The following PHACTR3 variants were observed in gnomAD, a reference collection of about 807,000 sequenced individuals.
The protein encoded by PHACTR3 is protein phosphatase 1, regulatory subunit 123.
PHACTR3 carries 16 observed loss-of-function variants against 66.8 expected under a neutral mutation model. The ratio of observed to expected loss-of-function variants is 0.24; its 90% CI spans 0.16 to 0.36. The LOEUF (loss-of-function observed/expected upper bound fraction) is 0.36, where lower values mean the gene tolerates loss of function less well. PHACTR3 is among the 10% of genes least tolerant of loss of function. PHACTR3 has a pLI of 1.00. For missense variants in PHACTR3, 647 were observed against 719.9 expected (o/e 0.90, Z 1.16); for synonymous variants, 323 against 292.1 (o/e 1.11, Z -1.08).
chr20:59,766,083 G>A (rs2040170492), intron 4 of PHACTR3, among the ~76,000 whole-genome samples: 1 of 152,232 alleles, frequency 6.6e-6, no homozygotes, highest in Non-Finnish European at 1.5e-5. Context: ...GTTTGCATTT[G>A]AGTCAGAAAT....
intron 11 of PHACTR3, chr20:59,843,657 A>G (rs1026534162): frequency 6.6e-6 from 1 of 152,012 alleles, no homozygotes; most frequent in African/African-American, 2.4e-5. Context: ...CTGTACCCCT[A>G]TTTCTTACTA....
At chr20:59,699,938 G>A (rs1002181026) in intron 1 of PHACTR3, among the ~76,000 whole-genome samples, 1 of 152,196 alleles carries the variant, frequency 6.6e-6, no homozygotes, top group Non-Finnish European at 1.5e-5. Flanking sequence ...CTCCAGCCTG[G>A]CAACAGAGCA....
intron 4 of PHACTR3, among the ~76,000 whole-genome samples, chr20:59,766,773 T>A (rs1177985068): frequency 1.3e-5 from 2 of 152,230 alleles, no homozygotes; most frequent in East Asian, 1.9e-4. Flanking sequence ...TGTGAGGGAC[T>A]ATTGTTAACA....
At chr20:59,780,052 G>A (rs541148478) in intron 7 of PHACTR3, among the ~76,000 whole-genome samples, 27 of 152,298 alleles carry the variant, frequency 1.8e-4, no homozygotes, top group African/African-American at 5.1e-4. Context: ...AGCTCTGGGC[G>A]CAGTAGAAAC....
At chr20:59,765,020 A>G (rs1356198215) in intron 4 of PHACTR3, among the ~76,000 whole-genome samples, 1 of 152,208 alleles carries the variant, frequency 6.6e-6, no homozygotes, top group Non-Finnish European at 1.5e-5. Context: ...TTTACACAAG[A>G]CAGAAAACTC....
chr20:59,771,355 G>A (rs191137166), intron 5 of PHACTR3, among the ~76,000 whole-genome samples: 1 of 152,258 alleles, frequency 6.6e-6, no homozygotes, highest in Non-Finnish European at 1.5e-5. Flanking sequence ...GGAGGCTGAG[G>A]CCAGTGGGGA....
intron 1 of PHACTR3, among the ~76,000 whole-genome samples, chr20:59,701,220 C>T (rs1426711565): frequency 1.3e-5 from 2 of 152,244 alleles, no homozygotes; most frequent in Non-Finnish European, 2.9e-5. Flanking sequence ...TCCTCCTGTG[C>T]TCATGGCAGG....
rs1196967353 is a variant in PHACTR3, at chr20:59,829,589, GGT to G, written c.1329-6910_1329-6909del. On this transcript the variant is annotated intron_variant, in intron 8 of 12. Transcript: ENST00000371015. This position sits in a 1 kb window ranked among gnomAD's most constrained non-coding sequence, Gnocchi z 4.2. The stretch of plus-strand genomic sequence containing the variant: ...GGATGCATCAATGCGTCGTGTGAAT[GGT>G]GTGTGGAGACGCTGCCTCGCTGGGG... Among the ~76,000 whole-genome samples the G allele has an allele frequency of 1.3e-5, 2 of 152,088 alleles. No individual in the cohort carries two copies. Among genetic ancestry groups the G allele is most frequent in the Non-Finnish European group, 2.9e-5 (2 of 68,014 alleles).
At chr20:59,740,423 C>G (rs79861836) in intron 1 of PHACTR3, among the ~76,000 whole-genome samples, 4,431 of 152,200 alleles carry the variant, frequency 0.029, 232 homozygotes, top group African/African-American at 0.1. Context: ...ATCCTCCTGT[C>G]TCCGACTCTT....
chr20:59,675,473 C>T (rs1029334456), intron 1 of PHACTR3, among the ~76,000 whole-genome samples: 3 of 152,146 alleles, frequency 2.0e-5, no homozygotes, highest in Non-Finnish European at 2.9e-5. Flanking sequence ...AAGCTTCATT[C>T]GTTAAGTTCC....
intron 1 of PHACTR3, among the ~76,000 whole-genome samples, chr20:59,617,927 G>A (rs552279524): frequency 3.9e-5 from 6 of 152,320 alleles, no homozygotes; most frequent in South Asian, 2.1e-4. Context: ...GTGGTAGATC[G>A]TCTGGTGAGT....
chr20:59,605,014 C>A lies in PHACTR3; in HGVS notation c.-1C>A. On this transcript the variant is annotated 5_prime_UTR_variant, in exon 1 of 13. Coordinates refer to ENST00000371015, the MANE Select transcript of PHACTR3 (RefSeq NM_080672.5). ...AACTTGCCCCCGCGCCGGCCGGGCC[C>A]ATGGCCGCGTCGGAGGACGGGAGCG... The A allele has an allele frequency of 7.5e-7, 1 of 1,329,310 alleles. No homozygotes were observed. The highest frequency in any genetic ancestry group is 9.7e-7 in the Non-Finnish European group (1 of 1,033,132). 82.3% of individuals were successfully genotyped at this position (1,329,310 alleles called of 1,614,324 possible).
chr20:59,737,800 T>C (rs575911151), intron 1 of PHACTR3, among the ~76,000 whole-genome samples: 2 of 152,256 alleles, frequency 1.3e-5, no homozygotes, highest in South Asian at 4.2e-4. Context: ...ACATGGCACA[T>C]GGTTGGTGTC....
At chr20:59,596,719 C>G (rs2033334448) in intron 1 of PHACTR3, among the ~76,000 whole-genome samples, 1 of 152,200 alleles carries the variant, frequency 6.6e-6, no homozygotes, top group Non-Finnish European at 1.5e-5. Flanking sequence ...CAGCAAATTC[C>G]TCTGTGTCCT....
At chr20:59,828,607 G>A (rs527753444) in intron 8 of PHACTR3, among the ~76,000 whole-genome samples, 5 of 152,216 alleles carry the variant, frequency 3.3e-5, no homozygotes, top group South Asian at 2.1e-4. Flanking sequence ...CTGCGGACCC[G>A]TGTGAGGAGA....
chr20:59,585,507 G>T (rs2032997738), intron 1 of PHACTR3, among the ~76,000 whole-genome samples: 1 of 152,162 alleles, frequency 6.6e-6, no homozygotes, highest in Admixed American at 6.5e-5. Context: ...CACTCAAACT[G>T]GGGGTGGTCC....
intron 7 of PHACTR3, among the ~76,000 whole-genome samples, chr20:59,783,920 C>A (rs1353713809): frequency 6.6e-6 from 1 of 152,266 alleles, no homozygotes; most frequent in African/African-American, 2.4e-5. Flanking sequence ...TTGGTAGGAA[C>A]TGTATCCGTC....
intron 8 of PHACTR3, among the ~76,000 whole-genome samples, chr20:59,806,802 G>T (rs1052912385): frequency 6.6e-6 from 1 of 152,210 alleles, no homozygotes; most frequent in African/African-American, 2.4e-5. Context: ...TCTGCAGCAC[G>T]CCTGGCTCCA....
chr20:59,769,262 C>T (rs1299618173), intron 5 of PHACTR3, among the ~76,000 whole-genome samples: 1 of 152,234 alleles, frequency 6.6e-6, no homozygotes, highest in Non-Finnish European at 1.5e-5. Flanking sequence ...AATTCCCATC[C>T]ACCTGGAACC....
Sources: gnomAD v4.1 joint callset for allele counts (sites outside exome capture counted in the v4.1 genomes callset) on GRCh38, gnomAD v4.1.1 for gene constraint, Gnocchi (gnomAD v3.1) non-coding constraint, MANE v1.5 for transcripts, NCBI Gene and HGNC (gene_info 2026-07-23, HGNC 2026-07-21) for gene names.